FAM120C: variants seen among roughly 807,000 people sequenced by gnomAD.
FAM120C encodes constitutive coactivator of PPAR-gamma-like protein 2.
In FAM120C, 14 loss-of-function variants were observed where a neutral mutation model predicts 71.2. The observed-to-expected ratio is 0.20, with a 90% confidence interval of 0.13 to 0.31. FAM120C has a LOEUF of 0.31. Ranked by LOEUF, FAM120C falls within the 10% of genes least tolerant of loss-of-function variation. FAM120C has a pLI of 1.00. For missense variants in FAM120C, 500 were observed against 879.0 expected, an observed-to-expected ratio of 0.57 and a Z score of 5.45; for synonymous variants, 354 against 353.2, an observed-to-expected ratio of 1.00 and a Z score of -0.03.
At chrX:54,078,089 G>A (rs1330199735) in intron 15 of FAM120C, among the ~76,000 whole-genome samples, 6 of 103,706 alleles carry the variant, frequency 5.8e-5, no homozygotes, top group South Asian at 4.6e-4. Flanking sequence ...GACTACAGGC[G>A]CCCGCTACCA....
At chrX:54,160,798 C>T (rs1255921680) in intron 1 of FAM120C, among the ~76,000 whole-genome samples, 1 of 111,316 alleles carries the variant, frequency 9.0e-6, no homozygotes, top group Non-Finnish European at 1.9e-5. Context: ...CCATTTTACA[C>T]ATTGTTAGCC....
intron 2 of FAM120C, among the ~76,000 whole-genome samples, chrX:54,158,034 T>C (rs2067218507): frequency 8.9e-6 from 1 of 112,019 alleles, no homozygotes; most frequent in Non-Finnish European, 1.9e-5. Flanking sequence ...TTTGGTGACT[T>C]GGCCCAATGT....
At chrX:54,154,657 C>T (rs1383148904) in intron 3 of FAM120C, among the ~76,000 whole-genome samples, 1 of 107,477 alleles carries the variant, frequency 9.3e-6, no homozygotes, top group East Asian at 2.9e-4. Context: ...GATGAAGTTG[C>T]CTTCAACAAA....
chrX:54,078,386 C>T (rs782739187), intron 15 of FAM120C, among the ~76,000 whole-genome samples: 8 of 111,564 alleles, frequency 7.2e-5, no homozygotes, highest in South Asian at 7.4e-4. Flanking sequence ...TAGGTGCATC[C>T]GTTTACCTTA....
chrX:54,084,367 T>G (rs2066782994), intron 13 of FAM120C, among the ~76,000 whole-genome samples: 1 of 111,645 alleles, frequency 9.0e-6, no homozygotes, highest in Non-Finnish European at 1.9e-5. Context: ...AGCCTTGAGC[T>G]AACCACCCAT....
chrX:54,108,300 G>T (rs1485183643), intron 10 of FAM120C, among the ~76,000 whole-genome samples: 1 of 110,049 alleles, frequency 9.1e-6, no homozygotes, highest in East Asian at 2.9e-4. Flanking sequence ...AAATGGGAGA[G>T]GTAAACTATT....
rs1384172617 is a variant in FAM120C, at chrX:54,183,203, C to T, written c.-5G>A. The T allele has an allele frequency of 2.8e-6, 3 of 1,073,761 alleles. No homozygotes were observed. The highest frequency in any genetic ancestry group is 3.6e-5 in the Admixed American group (1 of 27,943). The allele number at this position is 1,073,761 out of a possible 1,213,427, so 88.5% of individuals were successfully genotyped here. On this transcript the variant is annotated 5_prime_UTR_variant, in exon 1 of 16. Coordinates refer to ENST00000375180, the MANE Select transcript of FAM120C (RefSeq NM_017848.6). ...TTGGAAGCCCTGGACACCCATGCTT[C>T]GTCGGTGGGCAGACGCGATAGCGGC...
rs945716830 is a variant in FAM120C at position 54,172,995 on chromosome X, G to A, written c.699+9505C>T. The stretch of plus-strand genomic sequence containing the variant: ...GGCCCAAGAATGTTTAGCCATCGAT[G>A]TTTGACATCCTGAACAAAAGTATTT... On this transcript the variant is annotated intron_variant, in intron 1 of 15. Transcript: ENST00000375180. Among the ~76,000 whole-genome samples the A allele has an allele frequency of 3.6e-5, 4 of 112,439 alleles. No homozygotes were observed. The South Asian group carries it at 1.1e-3, about 31-fold the overall frequency.
chrX:54,111,315 A>G (rs2066936222), intron 10 of FAM120C, among the ~76,000 whole-genome samples: 1 of 111,273 alleles, frequency 9.0e-6, no homozygotes, highest in South Asian at 3.7e-4. Flanking sequence ...AAAATATAAG[A>G]CATCCAAATG....
At chrX:54,087,733 T>C (rs1313306590) in intron 12 of FAM120C, 22 bp downstream of exon 12, 3 of 1,199,602 alleles carry the variant, frequency 2.5e-6, no homozygotes, top group South Asian at 1.8e-5. Flanking sequence ...AGCTAGTCCT[T>C]AGCAGCCTGA....
intron 15 of FAM120C, among the ~76,000 whole-genome samples, chrX:54,079,444 GAGAGAGAGAGAGAGAGAGAGAAAGA>G (rs1557121047): frequency 9.5e-6 from 1 of 105,045 alleles, no homozygotes; most frequent in Non-Finnish European, 2.0e-5. Flanking sequence ...ACCCTGTCGA[GAGAGAGAGAGAGAGAGAGAGAAAGA>G]AGAGAGAGAG....
chrX:54,117,698 A>G (rs1056114332), intron 9 of FAM120C, among the ~76,000 whole-genome samples: 2 of 106,857 alleles, frequency 1.9e-5, no homozygotes, highest in African/African-American at 6.8e-5. Flanking sequence ...ACTTCGTTTG[A>G]AAAAAAAACA....
chrX:54,133,800 G>A lies in FAM120C; in HGVS notation c.1863C>T (p.Tyr621=), dbSNP rs1327047354. The change falls in exon 8 of 16, where the codon TAC becomes TAT. Residue 621 remains tyrosine (Y), a synonymous_variant. Transcript: ENST00000375180. ...TAGTGAGGACATGGTAGATATATGG[G>A]TACATAAGACCCCTCCGGTGTCTGT... is the stretch of plus-strand genomic sequence containing the variant. The part of the protein sequence containing the change: ...AEHRHRRGLM[Y]PYIYHVLTKG... 4 of 1,209,178 alleles carry A rather than the reference G, an allele frequency of 3.3e-6. No individual in the cohort carries two copies. Among genetic ancestry groups the A allele is most frequent in the Non-Finnish European group, 3.4e-6 (3 of 894,682 alleles).
intron 13 of FAM120C, among the ~76,000 whole-genome samples, chrX:54,082,644 A>G (rs966185684): frequency 1.8e-5 from 2 of 109,324 alleles, no homozygotes; most frequent in Admixed American, 2.0e-4. Flanking sequence ...CCTGACCTCA[A>G]GTGATCCACC....
intron 1 of FAM120C, chrX:54,171,582 G>A (rs1207468132): frequency 3.6e-5 from 4 of 111,357 alleles, no homozygotes; most frequent in Non-Finnish European, 5.7e-5. Context: ...CTGGTGGCCT[G>A]ACACATTTAT....
At chrX:54,097,354 T>C (rs1326893967) in intron 10 of FAM120C, among the ~76,000 whole-genome samples, 1 of 111,406 alleles carries the variant, frequency 9.0e-6, no homozygotes, top group Non-Finnish European at 1.9e-5. Flanking sequence ...ATAGCTAGAG[T>C]GGGCTGGGCA....
chrX:54,074,851 A>C (rs782226452), intron 15 of FAM120C, among the ~76,000 whole-genome samples: 5 of 112,471 alleles, frequency 4.4e-5, no homozygotes, highest in African/African-American at 1.6e-4. Context: ...GCTTCTGACT[A>C]CTAAGTGGTT....
intron 10 of FAM120C, among the ~76,000 whole-genome samples, chrX:54,107,341 C>A (rs1393076246): frequency 9.2e-6 from 1 of 108,843 alleles, no homozygotes; most frequent in Admixed American, 1.0e-4. Flanking sequence ...AGGTGATCCA[C>A]CCGCCTCAGC....
chrX:54,158,991 T>C (rs1201522263), intron 2 of FAM120C, among the ~76,000 whole-genome samples: 1 of 112,023 alleles, frequency 8.9e-6, no homozygotes, highest in African/African-American at 3.2e-5. Flanking sequence ...AATTTGTCTT[T>C]CCGATCTAAA....
Sources: allele counts gnomAD v4.1 joint callset (sites outside exome capture counted in the v4.1 genomes callset), GRCh38; gene constraint gnomAD v4.1.1; transcripts MANE v1.5; gene names NCBI Gene and HGNC (gene_info 2026-07-23, HGNC 2026-07-21).